VAMP3: variants seen among roughly 807,000 people sequenced by gnomAD.
VAMP3 encodes vesicle-associated membrane protein 3.
Under a neutral mutation model 18.1 loss-of-function variants are expected in VAMP3, and 11 were observed. That is an observed-to-expected ratio of 0.61 (90% CI 0.38 to 1.00). The LOEUF is 1.00. Ranked by LOEUF, VAMP3 falls within the 50% of genes least tolerant of loss-of-function variation. VAMP3 has a pLI of 0.01. For synonymous variants in VAMP3, 49 were observed against 43.1 expected (o/e 1.14, Z -0.53); for missense variants, 122 against 127.3 (o/e 0.96, Z 0.20).
At chr1:7,775,774 TACCC>T (rs1183074637) in intron 2 of VAMP3, among the ~76,000 whole-genome samples, 86 of 152,346 alleles carry the variant, frequency 5.6e-4, no homozygotes, top group Non-Finnish European at 8.8e-5. Flanking sequence ...AATGAAGATT[TACCC>T]TTATGTTTTC....
chr1:7,777,618 T>C (rs1442926192), intron 3 of VAMP3, among the ~76,000 whole-genome samples: 2 of 152,204 alleles, frequency 1.3e-5, no homozygotes, highest in Admixed American at 6.5e-5. Context: ...CCCAAACAGA[T>C]AGGAGAGGGC....
chr1:7,779,493 C>A, intron 4 of VAMP3, 133 bp from the exon 5 acceptor site: 3 of 1,250,392 alleles, frequency 2.4e-6, no homozygotes, highest in South Asian at 1.3e-5. Flanking sequence ...TGGAGAGAAG[C>A]CAGTAGTAGG....
chr1:7,771,397 T>A lies in VAMP3; in HGVS notation c.2+12T>A, dbSNP rs776572282. ...GCAGCTGCCAAAATGTGAGTGACGCTACGCGACGCGGGCGGCTTCGGGCCC... is the reference window on the plus strand; with the variant it reads ...GCAGCTGCCAAAATGTGAGTGACGCAACGCGACGCGGGCGGCTTCGGGCCC... On this transcript the variant is annotated intron_variant, in intron 1 of 4. Transcript: ENST00000054666. 39 of 1,580,248 alleles carry A rather than the reference T, an allele frequency of 2.5e-5. No homozygotes were observed. Among genetic ancestry groups the A allele is most frequent in the Non-Finnish European group, 3.3e-5 (38 of 1,168,104 alleles).
chr1:7,779,476 T>C, intron 4 of VAMP3, 150 bp from the exon 5 acceptor site: 2 of 1,073,524 alleles, frequency 1.9e-6, no homozygotes, highest in Non-Finnish European at 2.7e-6. Flanking sequence ...TCTAGCCCTC[T>C]ATAGAATGGA....
Position 7,771,380 on chromosome 1 carries a change from CA to C in VAMP3, c.1del. 6.3e-7 allele frequency: 1 copy of C among 1,592,548 alleles called. No individual in the cohort carries two copies. Reference sequence around the variant, plus strand: ...TCGCCGCTGCCGCCGCCGCAGCTGCCAAAATGTGAGTGACGCTACGCGACGC... The same window carrying C: ...TCGCCGCTGCCGCCGCCGCAGCTGCCAAATGTGAGTGACGCTACGCGACGC... On this transcript the variant is annotated 5_prime_UTR_variant, in exon 1 of 5. Transcript: ENST00000054666.
At chr1:7,779,592 T>A (rs1577566838) in intron 4 of VAMP3, 34 bp from the exon 5 acceptor site, 1 of 1,614,130 alleles carries the variant, frequency 6.2e-7, no homozygotes, top group Non-Finnish European at 8.5e-7. Context: ...ACCTGCTGTT[T>A]CCCCTGCCTT....
chr1:7,771,932 T>C (rs1458683757), intron 1 of VAMP3, among the ~76,000 whole-genome samples: 3 of 152,230 alleles, frequency 2.0e-5, no homozygotes, highest in African/African-American at 7.2e-5. Context: ...ACTCAGAGAA[T>C]GCTAATGGTT....
In VAMP3 at chr1:7,773,316, C is replaced by T. The variant is rs551127260; in HGVS notation, c.3-126C>T. The T allele has an allele frequency of 3.1e-4, 226 of 718,438 alleles. 1 individual carries two copies. The highest frequency in any genetic ancestry group is 4.9e-4 in the Non-Finnish European group (213 of 438,928). 44.5% of individuals were successfully genotyped at this position (718,438 alleles called of 1,614,324 possible). ...TCGTTCATTGCTTCAGGAAGAATTT[C>T]TTTTTCTGTTTTAGTTCTAATGTAA... On this transcript the variant is annotated intron_variant, in intron 1 of 4. Coordinates refer to ENST00000054666, the MANE Select transcript of VAMP3 (RefSeq NM_004781.4).
Position 7,781,122 on chromosome 1 carries a change from A to C in VAMP3, c.*1477A>C, listed in dbSNP as rs1487453219. The C allele has an allele frequency of 6.5e-6, 1 of 152,836 alleles. No individual in the cohort carries two copies. Among genetic ancestry groups the C allele is most frequent in the Non-Finnish European group, 1.5e-5 (1 of 68,048 alleles). 9.5% of individuals were successfully genotyped at this position (152,836 alleles called of 1,614,324 possible). A position where few individuals can be genotyped will look rare whatever the true frequency, so the allele number is the denominator to read the frequency against. ...AGCAACAGCTGAGGCGCACCAGGAC[A>C]CAGCTTCCATTTCTTTAACGTCTGT... On this transcript the variant is annotated 3_prime_UTR_variant, in exon 5 of 5. Transcript: ENST00000054666.
Position 7,779,887 on chromosome 1 carries a change from T to C in VAMP3, c.*242T>C. On this transcript the variant is annotated 3_prime_UTR_variant, in exon 5 of 5. Transcript: ENST00000054666. The stretch of plus-strand genomic sequence containing the variant: ...TACGTATGGGCTGATGAAGAGGCCT[T>C]CTTAAGTTCCAGAGTGCTATAATCT... 1.9e-6 allele frequency: 1 copy of C among 529,490 alleles called. No individual in the cohort carries two copies. The highest frequency in any genetic ancestry group is 3.5e-5 in the Admixed American group (1 of 28,578). The allele number at this position is 529,490 out of a possible 1,614,324, so 32.8% of individuals were successfully genotyped here.
chr1:7,774,817 C>T (rs370655200), intron 2 of VAMP3, among the ~76,000 whole-genome samples: 11 of 152,186 alleles, frequency 7.2e-5, no homozygotes, highest in African/African-American at 1.9e-4. Context: ...AATGAGTCTT[C>T]GAGTTGTTTC....
At chr1:7,774,071 C>T (rs1023707970) in intron 2 of VAMP3, among the ~76,000 whole-genome samples, 5 of 152,146 alleles carry the variant, frequency 3.3e-5, no homozygotes, top group African/African-American at 7.2e-5. Context: ...TTTTGTTCTG[C>T]GCCGTATGTG....
chr1:7,779,569 C>T, intron 4 of VAMP3, 57 bp from the exon 5 acceptor site: 5 of 1,612,648 alleles, frequency 3.1e-6, no homozygotes, highest in Non-Finnish European at 4.2e-6. Context: ...TTGGGATTCA[C>T]ACTGAGAGAC....
At chr1:7,771,977 C>T (rs1044854319) in intron 1 of VAMP3, among the ~76,000 whole-genome samples, 3 of 152,240 alleles carry the variant, frequency 2.0e-5, no homozygotes, top group Non-Finnish European at 4.4e-5. Context: ...CACCTCCATT[C>T]TGCTCATTGC....
chr1:7,777,350 AC>A, intron 3 of VAMP3, 32 bp downstream of exon 3: 5 of 1,580,390 alleles, frequency 3.2e-6, no homozygotes, highest in Non-Finnish European at 4.3e-6. Context: ...TTTACATTTA[AC>A]CCCCCTTCTC....
intron 2 of VAMP3, 79 bp from the exon 3 acceptor site, chr1:7,777,081 G>A: frequency 6.7e-7 from 1 of 1,502,380 alleles, no homozygotes; most frequent in Admixed American, 2.1e-5. Flanking sequence ...AAAGTGCTAG[G>A]ATTACAGGCG....
intron 4 of VAMP3, among the ~76,000 whole-genome samples, chr1:7,779,064 G>A (rs2097055759): frequency 1.3e-5 from 2 of 152,046 alleles, no homozygotes; most frequent in South Asian, 4.1e-4. Context: ...GTGTGGTCGC[G>A]GGCGCCTGTA....
chr1:7,774,074 C>G (rs534243279), intron 2 of VAMP3, among the ~76,000 whole-genome samples: 1 of 152,166 alleles, frequency 6.6e-6, no homozygotes. Flanking sequence ...TGTTCTGCGC[C>G]GTATGTGGAG....
chr1:7,781,091 T>C lies in VAMP3; in HGVS notation c.*1446T>C, dbSNP rs191994422. On this transcript the variant is annotated 3_prime_UTR_variant, in exon 5 of 5. Transcript: ENST00000054666. ...CTTGTTCACATGCTATTATGACTTA[T>C]AAAGCAGCAACAGCTGAGGCGCACC... The C allele has an allele frequency of 6.5e-6, 1 of 152,952 alleles. No individual in the cohort carries two copies. The highest frequency in any genetic ancestry group is 2.4e-5 in the African/African-American group (1 of 41,590). 9.5% of individuals were successfully genotyped at this position (152,952 alleles called of 1,614,324 possible).
Sources: gnomAD v4.1 joint callset for allele counts (sites outside exome capture counted in the v4.1 genomes callset) on GRCh38, gnomAD v4.1.1 for gene constraint, MANE v1.5 for transcripts, NCBI Gene and HGNC (gene_info 2026-07-23, HGNC 2026-07-21) for gene names.